Variants in NDST2 observed in about 807,000 individuals in gnomAD.
The protein encoded by NDST2 is N-deacetylase and N-sulfotransferase 2.
NDST2 carries 32 observed loss-of-function variants against 86.9 expected under a neutral mutation model. The ratio of observed to expected loss-of-function variants is 0.37; its 90% confidence interval spans 0.28 to 0.49. The LOEUF is 0.49. Ranked by LOEUF, NDST2 falls within the 20% of genes least tolerant of loss-of-function variation. The pLI, the probability that NDST2 is intolerant of heterozygous loss-of-function variation, is 0.97. For synonymous variants in NDST2, 409 were observed against 437.0 expected, an observed-to-expected ratio of 0.94 and a Z score of 0.80; for missense variants, 950 against 1,146.9, an observed-to-expected ratio of 0.83 and a Z score of 2.48.
At chr10:73,805,547 C>T in intron 8 of NDST2, 40 bp downstream of exon 8, 1 of 1,597,234 alleles carries the variant, frequency 6.3e-7, no homozygotes, top group Non-Finnish European at 8.6e-7. Flanking sequence ...AAACACCCCA[C>T]CCCTATCATG....
rs890322605 is a variant in NDST2, at chr10:73,805,619, G to A, written c.1714C>T (p.Leu572Phe). The A allele has an allele frequency of 5.0e-6, 8 of 1,614,110 alleles. No individual in the cohort carries two copies. The African/African-American group carries it at 9.3e-5, about 19-fold the overall frequency. Residue 572 changes from leucine to phenylalanine, a missense_variant, in exon 8 of 15, where the codon CTT (leucine) becomes TTT (phenylalanine). Leu to Phe is a conservative substitution (Grantham distance 22). Around this residue, in one of 5 missense-constraint regions of NDST2, gnomAD observed 586 missense variants for 714.0 expected, o/e 0.82. Coordinates refer to ENST00000309979, the MANE Select transcript of NDST2 (RefSeq NM_003635.4). Reference protein sequence around the residue: ...PVPLAQKYFELFPQERSPLWQ... With the variant: ...PVPLAQKYFEFFPQERSPLWQ... ...AGGGGGCTTCGCTCCTGAGGGAAAA[G>A]TTCAAAGTACTTCTGTGCAAGTGGG...
At chr10:73,804,737 A>C (rs2084068351) in intron 9 of NDST2, 36 bp downstream of exon 9, 1 of 1,343,546 alleles carries the variant, frequency 7.4e-7, no homozygotes, top group Non-Finnish European at 1.1e-6. Flanking sequence ...TTTGGGTTTA[A>C]GGCAGGGCAA....
In NDST2 at chr10:73,807,555, C is replaced by A. The variant is rs1002475149; in HGVS notation, c.834G>T (p.Val278=). The part of the protein sequence containing the change: ...DLGLHDGIQR[V]LFGHGLSFWL... ...AGAAGGAAAGGCCATGTCCAAAGAG[C>A]ACCCGCTGGATGCCATCATGAAGCC... Residue 278 remains valine (V), a synonymous_variant, in exon 3 of 15, where the codon GTG becomes GTT. Transcript: ENST00000309979. 1 of 1,614,186 alleles carries A rather than the reference C, an allele frequency of 6.2e-7. No homozygotes were observed. The highest frequency in any genetic ancestry group is 1.1e-5 in the South Asian group (1 of 91,082).
chr10:73,802,178 A>G lies in NDST2; in HGVS notation c.*273T>C. On this transcript the variant is annotated 3_prime_UTR_variant, in exon 15 of 15. Transcript: ENST00000309979. ...TCTCATTGGACTAATACATTCCCCT[A>G]CACCCTGCCTGGACCCTCTCATTCC... 1.8e-6 allele frequency: 1 copy of G among 552,916 alleles called. No homozygotes were observed. The highest frequency in any genetic ancestry group is 3.1e-5 in the East Asian group (1 of 32,328). 34.3% of individuals were successfully genotyped at this position (552,916 alleles called of 1,614,324 possible).
chr10:73,803,276 T>C lies in NDST2; in HGVS notation c.2226A>G (p.Ala742=), dbSNP rs1297417680. ...GACAGCGGTTCTGCAGGGAGCGTAG[T>C]GCCAGAGGGGTCTGGGAGGAGGCTG... ...VISASSQTPL[A]LRSLQNRCLV... Residue 742 remains alanine, a synonymous_variant, in exon 12 of 15, where the codon GCA becomes GCG. Coordinates refer to ENST00000309979, the MANE Select transcript of NDST2 (RefSeq NM_003635.4). 6.2e-7 allele frequency: 1 copy of C among 1,614,018 alleles called. No individual in the cohort carries two copies. Among genetic ancestry groups the C allele is most frequent in the Non-Finnish European group, 8.5e-7 (1 of 1,180,012 alleles).
In NDST2 at chr10:73,802,300, G is replaced by C. The variant is rs1404835224; in HGVS notation, c.*151C>G. ...ATTTGTCCCAGAACTGTGGGAAAAG[G>C]ATACCCTTCCCTTCTCAGCCATCTC... On this transcript the variant is annotated 3_prime_UTR_variant, in exon 15 of 15. Coordinates refer to ENST00000309979, the MANE Select transcript of NDST2 (RefSeq NM_003635.4). 1 of 769,424 alleles carries C rather than the reference G, an allele frequency of 1.3e-6. No homozygotes were observed. The highest frequency in any genetic ancestry group is 1.7e-5 in the African/African-American group (1 of 57,236). 47.7% of individuals were successfully genotyped at this position (769,424 alleles called of 1,614,324 possible).
At position 73,807,996 on chromosome 10, in the gene NDST2, G is replaced by T. The variant is rs776957058; in HGVS notation, c.393C>A (p.Thr131=). The T allele has an allele frequency of 3.1e-6, 5 of 1,614,238 alleles. No individual in the cohort carries two copies. Among genetic ancestry groups the T allele is most frequent in the Non-Finnish European group, 4.2e-6 (5 of 1,180,048 alleles). ...RGDMPTLTDN[T]HGRYVLVIYE... is the part of the protein sequence containing the mutation. Reference sequence around the variant, plus strand: ...AAATGACCAAGACATAGCGGCCATGGGTATTATCAGTCAATGTGGGCATGT... The same window carrying T: ...AAATGACCAAGACATAGCGGCCATGTGTATTATCAGTCAATGTGGGCATGT... Residue 131 remains threonine (T), a synonymous_variant, in exon 3 of 15, where the codon ACC becomes ACA. Transcript: ENST00000309979.
At position 73,805,913 on chromosome 10, in the gene NDST2, A is replaced by C; in HGVS notation, c.1550T>G (p.Val517Gly). Reference protein sequence around the residue: ...SIRGGELFLTVLLNPISIFMT... With the variant: ...SIRGGELFLTGLLNPISIFMT... ...TCAGCACCTTACCGGATTAAGCAGC[A>C]CTGTCAGAAAGAGCTCTCCACCTCG... The change falls in exon 7 of 15, where the codon GTG (valine) becomes GGG (glycine). Residue 517 changes from valine (V) to glycine (G), a missense_variant. By Grantham distance (109) the Val-to-Gly change is moderately radical. Around this residue, in one of 5 missense-constraint regions of NDST2, gnomAD observed 586 missense variants for 714.0 expected, o/e 0.82. Coordinates refer to ENST00000309979, the MANE Select transcript of NDST2 (RefSeq NM_003635.4). 6.2e-7 allele frequency: 1 copy of C among 1,614,232 alleles called. No individual in the cohort carries two copies. Among genetic ancestry groups the C allele is most frequent in the Non-Finnish European group, 8.5e-7 (1 of 1,180,044 alleles).
chr10:73,806,572 A>G lies in NDST2; in HGVS notation c.1248+85T>C. ...CTCCAAATAAAGAAAAACGCAAAGG[A>G]TAGGAAAAGGGTAGCCCATTAGGGG... On this transcript the variant is annotated intron_variant, in intron 5 of 14. Coordinates refer to ENST00000309979, the MANE Select transcript of NDST2 (RefSeq NM_003635.4). This position sits in a 1 kb window ranked among gnomAD's most constrained non-coding sequence, Gnocchi z 4.5. The G allele has an allele frequency of 6.3e-7, 1 of 1,574,826 alleles. No individual in the cohort carries two copies. The highest frequency in any genetic ancestry group is 8.7e-7 in the Non-Finnish European group (1 of 1,155,370).
At chr10:73,804,981 AC>A (rs1416724285) in intron 8 of NDST2, 112 bp from the exon 9 acceptor site, 5 of 537,918 alleles carry the variant, frequency 9.3e-6, no homozygotes, top group Non-Finnish European at 1.7e-5. Flanking sequence ...GCTCACTGCA[AC>A]CTCCGCCTCC....
chr10:73,810,239 C>T (rs1157405920), intron 2 of NDST2, among the ~76,000 whole-genome samples: 1 of 152,150 alleles, frequency 6.6e-6, no homozygotes, highest in Admixed American at 6.5e-5. Context: ...CGGGTGATCA[C>T]TTGAGGTCAG....
At position 73,807,819 on chromosome 10, in the gene NDST2, A is replaced by G. The variant is rs779525371; in HGVS notation, c.570T>C (p.Phe190=). 8.1e-6 allele frequency: 13 copies of G among 1,614,006 alleles called. No homozygotes were observed. The highest frequency in any genetic ancestry group is 1.1e-5 in the Non-Finnish European group (13 of 1,180,022). The change falls in exon 3 of 15, where the codon TTT becomes TTC. Residue 190 remains phenylalanine (F), a synonymous_variant. Transcript: ENST00000309979. ...LSAQLKGFPL[F]LHSNLGLRDY... ...CCCGGAGCCCCAAGTTTGAGTGTAA[A>G]AAAAGGGGAAAGCCCTTGAGCTGGG...
At chr10:73,804,669 C>G in intron 9 of NDST2, 104 bp downstream of exon 9, 1 of 564,866 alleles carries the variant, frequency 1.8e-6, no homozygotes, top group Non-Finnish European at 3.0e-6. Context: ...ATTAAAAATA[C>G]TTTTTTCACT....
rs2084153760 is a variant in NDST2 at position 73,808,954 on chromosome 10, TCTC to T, written c.-341-228_-341-226del. Reference sequence around the variant, plus strand: ...AGAATACCCAAATGAATGTCCAAATTCTCCTCTCTAAGCAAAGCTCAGAGATGG... The same window carrying T: ...AGAATACCCAAATGAATGTCCAAATTCTCTCTAAGCAAAGCTCAGAGATGG... On this transcript the variant is annotated intron_variant, in intron 2 of 14. Coordinates refer to ENST00000309979, the MANE Select transcript of NDST2 (RefSeq NM_003635.4). This position sits in a 1 kb window ranked among gnomAD's most constrained non-coding sequence, Gnocchi z 4.3. The T allele has an allele frequency of 6.5e-6, 1 of 153,114 alleles. No individual in the cohort carries two copies. Among genetic ancestry groups the T allele is most frequent in the Non-Finnish European group, 1.5e-5 (1 of 68,886 alleles). The allele number at this position is 153,114 out of a possible 1,614,324, so 9.5% of individuals were successfully genotyped here. A position where few individuals can be genotyped will look rare whatever the true frequency, so the allele number is the denominator to read the frequency against.
chr10:73,806,914 A>T lies in NDST2; in HGVS notation c.1094-103T>A. The stretch of plus-strand genomic sequence containing the variant: ...CTTCCATCCCTGATCCTTGCCTAAG[A>T]CTTTCTATTTGCCCCACTGCCAACT... On this transcript the variant is annotated intron_variant, in intron 4 of 14. Coordinates refer to ENST00000309979, the MANE Select transcript of NDST2 (RefSeq NM_003635.4). This position sits in a 1 kb window ranked among gnomAD's most constrained non-coding sequence, Gnocchi z 4.5. 6.4e-7 allele frequency: 1 copy of T among 1,558,506 alleles called. No individual in the cohort carries two copies. The highest frequency in any genetic ancestry group is 8.7e-7 in the Non-Finnish European group (1 of 1,145,882).
At chr10:73,811,007 G>A in intron 1 of NDST2, 104 bp from the exon 2 acceptor site, 1 of 396,264 alleles carries the variant, frequency 2.5e-6, no homozygotes. Context: ...GTGTGTGCGG[G>A]AGATCTCTGA....
intron 2 of NDST2, among the ~76,000 whole-genome samples, chr10:73,809,312 C>G (rs2084158852): frequency 6.6e-6 from 1 of 152,238 alleles, no homozygotes; most frequent in Admixed American, 6.5e-5. Flanking sequence ...GAGCAATCCT[C>G]ATGATAGGTA....
In NDST2 at chr10:73,808,527, C is replaced by T. The variant is rs889447229; in HGVS notation, c.-139G>A. 2.8e-5 allele frequency: 24 copies of T among 870,434 alleles called. No individual in the cohort carries two copies. In the Admixed American group the frequency reaches 3.0e-4, roughly 11 times the overall value. 53.9% of individuals were successfully genotyped at this position (870,434 alleles called of 1,614,324 possible). ...GGATTCCCTTGGGGAGTTTCCTTTACGAGGTGGAGACGAGTCCCCTTAGCA... is the reference window on the plus strand; with the variant it reads ...GGATTCCCTTGGGGAGTTTCCTTTATGAGGTGGAGACGAGTCCCCTTAGCA... On this transcript the variant is annotated 5_prime_UTR_variant, in exon 3 of 15. Transcript: ENST00000309979. The surrounding 1 kb of genome is among the most constrained non-coding windows in gnomAD (Gnocchi z 4.3).
chr10:73,803,595 G>C lies in NDST2; in HGVS notation c.2121C>G (p.Asp707Glu), dbSNP rs2084045833. 1.2e-6 allele frequency: 2 copies of C among 1,609,842 alleles called. No individual in the cohort carries two copies. The highest frequency in any genetic ancestry group is 1.4e-5 in the African/African-American group (1 of 73,596). ...KIITVLTNPA[D>E]RAYSWYQHQR... ...AGACCTGGTACCAGGAGTAGGCCCT[G>C]TCAGCAGGGTTGGTGAGCACTGTGA... Residue 707 changes from aspartate to glutamate, a missense_variant, in exon 11 of 15, where the codon GAC becomes GAG. Around this residue, in one of 5 missense-constraint regions of NDST2, gnomAD observed 303 missense variants for 323.7 expected, o/e 0.94. Coordinates refer to ENST00000309979, the MANE Select transcript of NDST2 (RefSeq NM_003635.4).
Sources: allele counts gnomAD v4.1 joint callset (sites outside exome capture counted in the v4.1 genomes callset), GRCh38; gene constraint gnomAD v4.1.1; regional missense constraint gnomAD v4.1.1; non-coding constraint Gnocchi (gnomAD v3.1); transcripts MANE v1.5; gene names NCBI Gene and HGNC (gene_info 2026-07-23, HGNC 2026-07-21).